Variants in MMS22L observed in about 807,000 individuals in gnomAD.
MMS22L encodes the protein MMS22 like, DNA repair protein.
In MMS22L, 74 loss-of-function variants were observed where a neutral mutation model predicts 159.1. The ratio of observed to expected loss-of-function variants is 0.47; its 90% CI spans 0.39 to 0.56. The LOEUF is 0.56. Ranked by LOEUF, MMS22L falls within the 20% of genes least tolerant of loss-of-function variation. The probability of loss-of-function intolerance (pLI) is 0.00; values close to 1 mark genes in which losing one functional copy is unlikely to be tolerated. For synonymous variants in MMS22L, 517 were observed against 506.9 expected (o/e 1.02, Z -0.27); for missense variants, 1,351 against 1,422.1 (o/e 0.95, Z 0.80).
chr6:97,179,380 C>T (rs573213156), intron 17 of MMS22L, 28 bp downstream of exon 17: 4 of 1,598,388 alleles, frequency 2.5e-6, no homozygotes, highest in East Asian at 2.2e-5. Context: ...ATACCCCCAT[C>T]CTCCCCAAAA....
chr6:97,257,218 G>A (rs9374447), intron 9 of MMS22L, among the ~76,000 whole-genome samples: 54,221 of 151,826 alleles, frequency 0.36, 10,996 homozygotes, highest in East Asian at 0.79. Flanking sequence ...TATTCTTAAT[G>A]TCTCTTAACC....
chr6:97,163,830 AATAAAGCTGTG>A (rs1802691875), intron 21 of MMS22L, among the ~76,000 whole-genome samples: 1 of 152,174 alleles, frequency 6.6e-6, no homozygotes, highest in South Asian at 2.1e-4. Flanking sequence ...AAGCAATTTG[AATAAAGCTGTG>A]ACATAGGGAG....
intron 4 of MMS22L, among the ~76,000 whole-genome samples, chr6:97,275,146 A>G (rs947177331): frequency 2.0e-5 from 3 of 152,248 alleles, no homozygotes; most frequent in African/African-American, 7.2e-5. Flanking sequence ...ACAATAAAAC[A>G]TTACTATATA....
intron 24 of MMS22L, among the ~76,000 whole-genome samples, chr6:97,148,172 G>A (rs1801001704): frequency 6.6e-6 from 1 of 152,020 alleles, no homozygotes; most frequent in Non-Finnish European, 1.5e-5. Context: ...TGTTGTTTGT[G>A]GTGATGCAGG....
chr6:97,247,645 G>A (rs1408294238), intron 10 of MMS22L, among the ~76,000 whole-genome samples: 1 of 152,118 alleles, frequency 6.6e-6, no homozygotes, highest in Non-Finnish European at 1.5e-5. Context: ...GTGAACCCAG[G>A]AGGTGTAGGT....
At chr6:97,209,927 G>A (rs1001163263) in intron 14 of MMS22L, among the ~76,000 whole-genome samples, 3 of 151,818 alleles carry the variant, frequency 2.0e-5, no homozygotes, top group Admixed American at 1.3e-4. Context: ...ATTTAATCGT[G>A]CTGGCAGTGT....
At chr6:97,150,302 C>T (rs542001086) in intron 23 of MMS22L, among the ~76,000 whole-genome samples, 1 of 152,126 alleles carries the variant, frequency 6.6e-6, no homozygotes, top group East Asian at 1.9e-4. Flanking sequence ...AAAATCTAAT[C>T]CCGGGACTTT....
At position 97,145,024 on chromosome 6, in the gene MMS22L, C is replaced by CCCCCCCCA. The variant is rs1554253274; in HGVS notation, c.*1781_*1782insTGGGGGGG. 4 of 67,566 alleles carry CCCCCCCCA rather than the reference C, an allele frequency of 5.9e-5. No individual in the cohort carries two copies. The highest frequency in any genetic ancestry group is 4.4e-4 in the South Asian group (1 of 2,260). 4.2% of individuals were successfully genotyped at this position (67,566 alleles called of 1,614,324 possible). ...TCAATCTCCTTTGGAAAAAAAAAACCCACACACACACACACACACACACAC... is the reference window on the plus strand; with the variant it reads ...TCAATCTCCTTTGGAAAAAAAAAACCCCCCCCCACACACACACACACACACACACACAC... On this transcript the variant is annotated 3_prime_UTR_variant, in exon 25 of 25. Coordinates refer to ENST00000683635, the MANE Select transcript of MMS22L (RefSeq NM_001350599.2).
intron 12 of MMS22L, among the ~76,000 whole-genome samples, chr6:97,233,122 G>C (rs988279489): frequency 2.7e-5 from 4 of 150,616 alleles, no homozygotes; most frequent in African/African-American, 9.7e-5. Context: ...TCGCTATTTA[G>C]TGTCTCCTGA....
At chr6:97,249,387 G>A (rs1376285069) in intron 10 of MMS22L, among the ~76,000 whole-genome samples, 1 of 152,112 alleles carries the variant, frequency 6.6e-6, no homozygotes, top group African/African-American at 2.4e-5. Flanking sequence ...AGTGAGTTCT[G>A]TGAGTCCTAA....
intron 6 of MMS22L, chr6:97,270,789 G>A (rs964079630): frequency 3.9e-5 from 6 of 152,096 alleles, no homozygotes; most frequent in African/African-American, 7.2e-5. Context: ...ATCTGAAATC[G>A]ATGGGAAAAG....
In MMS22L at chr6:97,253,149, T is replaced by C. The variant is rs529198455; in HGVS notation, c.1119+1408A>G. 3.9e-5 allele frequency among the ~76,000 whole-genome samples: 6 copies of C among 152,296 alleles called. No individual in the cohort carries two copies. The South Asian group carries it at 1.0e-3, about 26-fold the overall frequency. On this transcript the variant is annotated intron_variant, in intron 10 of 24. Coordinates refer to ENST00000683635, the MANE Select transcript of MMS22L (RefSeq NM_001350599.2). ...CTTCTCAGAGCAATTTCTGACTATT[T>C]CACTATATTCTGGGATCTCCTACAG... is the stretch of plus-strand genomic sequence containing the variant.
intron 21 of MMS22L, among the ~76,000 whole-genome samples, chr6:97,163,584 T>C (rs918674922): frequency 6.6e-6 from 1 of 152,136 alleles, no homozygotes; most frequent in Non-Finnish European, 1.5e-5. Context: ...TCAGCATCTG[T>C]CATTTAGTTT....
At chr6:97,215,608 A>C (rs1262431664) in intron 14 of MMS22L, among the ~76,000 whole-genome samples, 4 of 152,110 alleles carry the variant, frequency 2.6e-5, no homozygotes, top group Admixed American at 2.6e-4. Context: ...TATTTAGCTC[A>C]AGAGTAATGA....
intron 22 of MMS22L, among the ~76,000 whole-genome samples, chr6:97,153,062 G>C (rs1483288723): frequency 1.3e-5 from 2 of 150,842 alleles, no homozygotes; most frequent in Non-Finnish European, 3.0e-5. Flanking sequence ...GGCTGGCCTC[G>C]AACTCCTAGT....
At chr6:97,213,281 C>CT (rs1808596900) in intron 14 of MMS22L, among the ~76,000 whole-genome samples, 1 of 152,136 alleles carries the variant, frequency 6.6e-6, no homozygotes, top group Admixed American at 6.5e-5. Context: ...TGGCGCATGC[C>CT]TGTGGTCCCA....
At chr6:97,172,422 T>G (rs1803641059) in intron 19 of MMS22L, among the ~76,000 whole-genome samples, 1 of 152,120 alleles carries the variant, frequency 6.6e-6, no homozygotes, top group African/African-American at 2.4e-5. Flanking sequence ...AAAACTTAAA[T>G]TCTATATAAA....
intron 20 of MMS22L, among the ~76,000 whole-genome samples, chr6:97,165,785 G>C (rs1016974869): frequency 1.3e-5 from 2 of 152,040 alleles, no homozygotes; most frequent in African/African-American, 4.8e-5. Context: ...ACATTTATGT[G>C]TACTTACAAA....
At chr6:97,169,907 A>G (rs1803349987) in intron 19 of MMS22L, among the ~76,000 whole-genome samples, 1 of 152,052 alleles carries the variant, frequency 6.6e-6, no homozygotes, top group African/African-American at 2.4e-5. Flanking sequence ...TACCGGTGAT[A>G]TAGGGTACCA....
Sources: allele counts gnomAD v4.1 joint callset (sites outside exome capture counted in the v4.1 genomes callset), GRCh38; gene constraint gnomAD v4.1.1; transcripts MANE v1.5; gene names NCBI Gene and HGNC (gene_info 2026-07-23, HGNC 2026-07-21).